Variants in MROH2B observed in about 807,000 individuals in gnomAD.
MROH2B encodes maestro heat like repeat family member 2B, also known as maestro heat-like repeat-containing protein family member 2B.
MROH2B carries 177 observed loss-of-function variants against 208.6 expected under a neutral mutation model. That is an observed-to-expected ratio of 0.85 (90% CI 0.75 to 0.96). The LOEUF is 0.96. Ranked by LOEUF, MROH2B falls within the 40% of genes least tolerant of loss-of-function variation. The probability of loss-of-function intolerance (pLI) is 0.00; values close to 1 mark genes in which losing one functional copy is unlikely to be tolerated. For missense variants in MROH2B, 2,002 were observed against 1,878.7 expected, an observed-to-expected ratio of 1.07 and a Z score of -1.21; for synonymous variants, 728 against 659.0, an observed-to-expected ratio of 1.10 and a Z score of -1.60.
intron 30 of MROH2B, 91 bp from the exon 31 acceptor site, chr5:41,010,170 T>C: frequency 8.6e-7 from 1 of 1,164,320 alleles, no homozygotes; most frequent in Non-Finnish European, 1.2e-6. Flanking sequence ...GATGGGCAGC[T>C]GATGAATTCT....
chr5:41,030,357 A>G (rs1055612850), intron 24 of MROH2B, among the ~76,000 whole-genome samples: 1 of 151,992 alleles, frequency 6.6e-6, no homozygotes, highest in Non-Finnish European at 1.5e-5. Flanking sequence ...ATATACCAAC[A>G]ATAATCCCTT....
rs201687257 is a variant in MROH2B at position 41,048,332 on chromosome 5, G to C, written c.1676C>G (p.Pro559Arg). 138 of 1,612,642 alleles carry C rather than the reference G, an allele frequency of 8.6e-5. No homozygotes were observed. The highest frequency in any genetic ancestry group is 1.5e-4 in the Admixed American group (9 of 59,806). Residue 559 changes from proline to arginine, a missense_variant, in exon 16 of 42, where the codon CCT (proline) becomes CGT (arginine). Coordinates refer to ENST00000399564, the MANE Select transcript of MROH2B (RefSeq NM_173489.5). ...WKTRLPELLQ[P>R]LEGKNISTVL... Reference sequence around the variant, plus strand: ...GCCCCAATCCCTTGTACCTTCCAGAGGCTGCAGAAGCTCAGGTAAACGTGT... The same window carrying C: ...GCCCCAATCCCTTGTACCTTCCAGACGCTGCAGAAGCTCAGGTAAACGTGT...
chr5:40,999,723 G>C lies in MROH2B; in HGVS notation c.4539C>G (p.Phe1513Leu), dbSNP rs762150680. The C allele has an allele frequency of 6.2e-7, 1 of 1,613,718 alleles. No homozygotes were observed. Among genetic ancestry groups the C allele is most frequent in the Non-Finnish European group, 8.5e-7 (1 of 1,179,662 alleles). ...TCCTGATCACCTCCCAGGTGCTGGT[G>C]AAGAAGGTGAAGGAGTGTGTGTGGA... The part of the protein sequence containing the change: ...WILHTHSFTF[F>L]TSTWEVIRSA... Residue 1513 changes from phenylalanine (F) to leucine (L), a missense_variant, in exon 40 of 42, where the codon TTC (phenylalanine) becomes TTG (leucine). Phe to Leu is a conservative substitution (Grantham distance 22). Transcript: ENST00000399564.
chr5:41,035,864 A>G (rs1283783695), intron 21 of MROH2B, among the ~76,000 whole-genome samples: 1 of 152,168 alleles, frequency 6.6e-6, no homozygotes, highest in Admixed American at 6.6e-5. Flanking sequence ...GCTGGGGAGA[A>G]AAGGGAATGT....
intron 3 of MROH2B, among the ~76,000 whole-genome samples, chr5:41,065,984 G>A (rs956021168): frequency 2.6e-5 from 4 of 152,176 alleles, no homozygotes; most frequent in Admixed American, 6.5e-5. Flanking sequence ...GGTAATTAGA[G>A]TGAATTTAAA....
At chr5:41,029,035 T>C (rs1742476473) in intron 24 of MROH2B, among the ~76,000 whole-genome samples, 1 of 152,134 alleles carries the variant, frequency 6.6e-6, no homozygotes, top group Non-Finnish European at 1.5e-5. Flanking sequence ...TTTTAATTTC[T>C]TTTGGACCCT....
chr5:41,017,774 G>A, intron 28 of MROH2B, 76 bp downstream of exon 28: 1 of 1,476,810 alleles, frequency 6.8e-7, no homozygotes, highest in Non-Finnish European at 9.0e-7. Context: ...AGACATAGGT[G>A]CATAAGGAGA....
chr5:41,014,826 T>G (rs908229020), intron 29 of MROH2B, among the ~76,000 whole-genome samples: 1 of 152,246 alleles, frequency 6.6e-6, no homozygotes, highest in African/African-American at 2.4e-5. Flanking sequence ...TTTCTTGACT[T>G]TATTTTTCTC....
rs529491448 is a variant in MROH2B at position 41,066,691 on chromosome 5, A to C, written c.201+417T>G. ...CTGGAAGAAATAACATCATCCTAGGATTCAAATTACTTCTACAAATTATTA... is the reference window on the plus strand; with the variant it reads ...CTGGAAGAAATAACATCATCCTAGGCTTCAAATTACTTCTACAAATTATTA... On this transcript the variant is annotated intron_variant, in intron 3 of 41. Transcript: ENST00000399564. 5.3e-5 allele frequency among the ~76,000 whole-genome samples: 8 copies of C among 152,320 alleles called. No homozygotes were observed. In the East Asian group the frequency reaches 1.5e-3, roughly 29 times the overall value.
intron 29 of MROH2B, among the ~76,000 whole-genome samples, chr5:41,013,628 C>G (rs888662401): frequency 2.6e-5 from 4 of 152,282 alleles, no homozygotes; most frequent in Middle Eastern, 3.4e-3. Flanking sequence ...GTTATTAGAT[C>G]AAAGGACTAT....
chr5:41,000,334 C>A lies in MROH2B; in HGVS notation c.4368G>T (p.Leu1456Phe). ...PKIGVACRDV[L>F]MVCIPFLGLQ... is the part of the protein sequence containing the mutation. ...GGCCCAAAAAGGGAATGCAGACCAT[C>A]AAGACATCACGGCAAGCCTGGAAAA... is the stretch of plus-strand genomic sequence containing the variant. Residue 1456 changes from leucine to phenylalanine, a missense_variant, in exon 39 of 42, where the codon TTG becomes TTT. Physicochemically the swap from Leu to Phe is conservative, Grantham distance 22 (BLOSUM62 0). Coordinates refer to ENST00000399564, the MANE Select transcript of MROH2B (RefSeq NM_173489.5). The A allele has an allele frequency of 6.2e-7, 1 of 1,613,752 alleles. No homozygotes were observed. The highest frequency in any genetic ancestry group is 1.3e-5 in the African/African-American group (1 of 75,014).
At position 41,057,099 on chromosome 5, in the gene MROH2B, C is replaced by T. The variant is rs1240340049; in HGVS notation, c.919+10G>A. On this transcript the variant is annotated intron_variant, in intron 9 of 41. Transcript: ENST00000399564. ...ATTTTTATTAAAAGCCTTCTGGATG[C>T]TGGTCCTACCTAGAATGAGAAAACA... 3.1e-6 allele frequency: 5 copies of T among 1,613,854 alleles called. No individual in the cohort carries two copies. The highest frequency in any genetic ancestry group is 2.5e-6 in the Non-Finnish European group (3 of 1,179,766).
chr5:41,033,958 A>G (rs1742669687), intron 21 of MROH2B, 94 bp from the exon 22 acceptor site: 8 of 1,510,170 alleles, frequency 5.3e-6, no homozygotes, highest in South Asian at 1.2e-5. Context: ...AACCTGAAGG[A>G]CAATAGTAAA....
rs957254566 is a variant in MROH2B at position 41,026,408 on chromosome 5, C to G, written c.2441+6334G>C. Among the ~76,000 whole-genome samples, 46 of 152,150 alleles carry G rather than the reference C, an allele frequency of 3.0e-4. No homozygotes were observed. The East Asian group carries it at 8.9e-3, about 29-fold the overall frequency. On this transcript the variant is annotated intron_variant, in intron 24 of 41. Coordinates refer to ENST00000399564, the MANE Select transcript of MROH2B (RefSeq NM_173489.5). Reference sequence around the variant, plus strand: ...ACACCAATAACAGACAAACACAGAGCCAAATCATGAGTGAACTCCCATTCA... The same window carrying G: ...ACACCAATAACAGACAAACACAGAGGCAAATCATGAGTGAACTCCCATTCA...
chr5:41,042,295 G>A (rs1742980237), intron 18 of MROH2B, 87 bp from the exon 19 acceptor site: 1 of 774,430 alleles, frequency 1.3e-6, no homozygotes, highest in South Asian at 1.7e-5. Flanking sequence ...ATAATCATCT[G>A]AAGGAAAGAA....
chr5:41,019,790 C>G (rs189969586), intron 24 of MROH2B, among the ~76,000 whole-genome samples: 171 of 152,232 alleles, frequency 1.1e-3, no homozygotes, highest in African/African-American at 4.0e-3. Flanking sequence ...TCTATGTAGT[C>G]TTCTTGTCTT....
chr5:41,043,906 A>G (rs1047932467), intron 18 of MROH2B, among the ~76,000 whole-genome samples: 18 of 152,016 alleles, frequency 1.2e-4, no homozygotes, highest in Non-Finnish European at 1.8e-4. Context: ...TTGCTAGAGT[A>G]TGAGAGAACA....
chr5:41,065,416 C>A lies in MROH2B; in HGVS notation c.276G>T (p.Met92Ile). Residue 92 changes from methionine to isoleucine, a missense_variant, in exon 4 of 42, where the codon ATG becomes ATT. Coordinates refer to ENST00000399564, the MANE Select transcript of MROH2B (RefSeq NM_173489.5). ...SLAAHDFNSV[M>I]YEVQSNFRIL... is the part of the protein sequence containing the mutation. ...TCCTGAAGTTACTTTGTACTTCATA[C>A]ATCACAGAGTTGAAATCATGTGCAG... 6.2e-7 allele frequency: 1 copy of A among 1,613,578 alleles called. No individual in the cohort carries two copies. Among genetic ancestry groups the A allele is most frequent in the Non-Finnish European group, 8.5e-7 (1 of 1,179,678 alleles).
chr5:41,000,451 CAGT>C, intron 38 of MROH2B, 100 bp from the exon 39 acceptor site: 1 of 1,482,780 alleles, frequency 6.7e-7, no homozygotes, highest in South Asian at 1.4e-5. Context: ...CACTAAAAGT[CAGT>C]GGTGTGAATG....
Sources: gnomAD v4.1 joint callset for allele counts (sites outside exome capture counted in the v4.1 genomes callset) on GRCh38, gnomAD v4.1.1 for gene constraint, MANE v1.5 for transcripts, NCBI Gene and HGNC (gene_info 2026-07-23, HGNC 2026-07-21) for gene names.